Variants in LTBP1 observed in about 807,000 individuals in gnomAD.
The protein encoded by LTBP1 is latent-transforming growth factor beta-binding protein 1.
LTBP1 carries 129 observed loss-of-function variants against 207.6 expected under a neutral mutation model. The ratio of observed to expected loss-of-function variants is 0.62; its 90% CI spans 0.54 to 0.72. The LOEUF is 0.72. Among genes scored for constraint, LTBP1 ranks in the 30% least tolerant of loss-of-function variants. The probability of loss-of-function intolerance (pLI) is 0.00; values close to 1 mark genes in which losing one functional copy is unlikely to be tolerated. For missense variants in LTBP1, 2,281 were observed against 2,217.2 expected, an observed-to-expected ratio of 1.03 and a Z score of -0.58; for synonymous variants, 963 against 833.7, an observed-to-expected ratio of 1.16 and a Z score of -2.67.
Position 33,249,303 on chromosome 2 carries a change from A to T in LTBP1, c.2000-3374A>T, listed in dbSNP as rs534144794. 3.4e-5 allele frequency among the ~76,000 whole-genome samples: 5 copies of T among 147,842 alleles called. 1 individual carries two copies. In the South Asian group the frequency reaches 1.1e-3, roughly 32 times the overall value. On this transcript the variant is annotated intron_variant, in intron 10 of 33. Transcript: ENST00000404816. ...AGTTATTTATATCCTGCTCAAGGTC[A>T]TCTCAGTAGGTCTGATTTTTCACAC...
chr2:33,363,477 A>G lies in LTBP1; in HGVS notation c.4358A>G (p.Lys1453Arg). 1 of 1,613,986 alleles carries G rather than the reference A, an allele frequency of 6.2e-7. No homozygotes were observed. The highest frequency in any genetic ancestry group is 1.7e-4 in the Middle Eastern group (1 of 6,060). ...CGGCCTGGGTATGAATGCTACTGTAAGCAAGGGACGTACTATGATCCTGTG... is the reference window on the plus strand; with the variant it reads ...CGGCCTGGGTATGAATGCTACTGTAGGCAAGGGACGTACTATGATCCTGTG... ...NTRPGYECYC[K>R]QGTYYDPVKL... Residue 1453 changes from lysine to arginine, a missense_variant, in exon 29 of 34, where the codon AAG (lysine) becomes AGG (arginine). Transcript: ENST00000404816.
chr2:32,953,335 C>T (rs761903591), intron 2 of LTBP1, among the ~76,000 whole-genome samples: 4 of 152,110 alleles, frequency 2.6e-5, no homozygotes, highest in Non-Finnish European at 5.9e-5. Context: ...ACTTGGGAGT[C>T]GAGCCCAGAG....
intron 7 of LTBP1, among the ~76,000 whole-genome samples, chr2:33,201,513 G>C (rs1275024311): frequency 6.6e-6 from 1 of 151,856 alleles, no homozygotes; most frequent in Admixed American, 6.6e-5. Flanking sequence ...AGCATTAGGA[G>C]ATATACCTAA....
At chr2:33,147,667 G>A (rs1179590428) in intron 5 of LTBP1, among the ~76,000 whole-genome samples, 1 of 152,162 alleles carries the variant, frequency 6.6e-6, no homozygotes, top group Non-Finnish European at 1.5e-5. Flanking sequence ...CTCATTCTGC[G>A]AGGCAGCGTC....
intron 4 of LTBP1, among the ~76,000 whole-genome samples, chr2:33,120,695 C>T (rs1232473827): frequency 2.6e-5 from 4 of 152,136 alleles, no homozygotes; most frequent in African/African-American, 9.7e-5. Context: ...TTATATTCCT[C>T]TGGGTATATA....
chr2:33,042,820 T>C (rs1187525649), intron 3 of LTBP1, among the ~76,000 whole-genome samples: 1 of 152,218 alleles, frequency 6.6e-6, no homozygotes, highest in African/African-American at 2.4e-5. Flanking sequence ...AATAAATTGG[T>C]ATTTTTTAAA....
At chr2:33,180,839 A>C (rs1573014570) in intron 5 of LTBP1, among the ~76,000 whole-genome samples, 1 of 152,262 alleles carries the variant, frequency 6.6e-6, no homozygotes, top group East Asian at 1.9e-4. Flanking sequence ...CTAAAGCAGA[A>C]TGGGGGGAGA....
Position 33,274,995 on chromosome 2 carries a change from T to C in LTBP1, c.2774T>C (p.Leu925Pro), listed in dbSNP as rs922338064. ...DIDECTQVQH[L>P]CSQGRCENTE... ...GATGAGTGTACTCAGGTCCAACACC[T>C]CTGCTCCCAGGGCCGCTGTGAAAAC... The change falls in exon 17 of 34, where the codon CTC (leucine) becomes CCC (proline). Residue 925 changes from leucine (L) to proline (P), a missense_variant. Physicochemically the swap from Leu to Pro is moderately conservative, Grantham distance 98. This residue lies in a region of LTBP1 where 1,671 missense variants were observed against 1,634.8 expected (regional missense o/e 1.02). Coordinates refer to ENST00000404816, the MANE Select transcript of LTBP1 (RefSeq NM_206943.4). The C allele has an allele frequency of 3.1e-6, 5 of 1,614,090 alleles. No individual in the cohort carries two copies. The Admixed American group carries it at 8.3e-5, about 27-fold the overall frequency.
chr2:33,398,458 G>A lies in LTBP1; in HGVS notation c.5079G>A (p.Leu1693=), dbSNP rs777604708. 25 of 1,614,212 alleles carry A rather than the reference G, an allele frequency of 1.5e-5. No individual in the cohort carries two copies. In the East Asian group the frequency reaches 2.7e-4, roughly 17 times the overall value. Residue 1693 remains leucine, a synonymous_variant, in exon 34 of 34, where the codon CTG becomes CTA. Transcript: ENST00000404816. ...ATGGTTCCTACAAGTGTTTGTGTCT[G>A]CCAGGCTACGTGCCTTCTGACAAGC... ...NTDGSYKCLC[L]PGYVPSDKPN...
intron 5 of LTBP1, among the ~76,000 whole-genome samples, chr2:33,138,623 G>T (rs1387115260): frequency 2.0e-5 from 3 of 152,036 alleles, no homozygotes; most frequent in Admixed American, 6.5e-5. Context: ...TGTTTATAAA[G>T]CCTTAAGTTC....
intron 7 of LTBP1, among the ~76,000 whole-genome samples, chr2:33,198,635 A>G (rs1181851489): frequency 6.6e-6 from 1 of 152,118 alleles, no homozygotes; most frequent in African/African-American, 2.4e-5. Flanking sequence ...GGGAGAGTGT[A>G]TATGTCGAGG....
intron 31 of LTBP1, 66 bp from the exon 32 acceptor site, chr2:33,389,118 T>A: frequency 6.2e-7 from 1 of 1,606,210 alleles, no homozygotes; most frequent in Non-Finnish European, 8.5e-7. Flanking sequence ...TGCTCTGAGC[T>A]GCGAGGGGGT....
At chr2:33,375,871 A>G (rs941409441) in intron 31 of LTBP1, among the ~76,000 whole-genome samples, 3 of 151,902 alleles carry the variant, frequency 2.0e-5, no homozygotes, top group Non-Finnish European at 1.5e-5. Context: ...CATTCAATGT[A>G]CTCAATTTTT....
At chr2:33,230,033 A>G (rs1476777787) in intron 9 of LTBP1, among the ~76,000 whole-genome samples, 1 of 152,246 alleles carries the variant, frequency 6.6e-6, no homozygotes, top group Non-Finnish European at 1.5e-5. Context: ...GATGGTCAGT[A>G]AAATGAAATC....
chr2:33,130,295 C>T (rs1179188294), intron 4 of LTBP1, among the ~76,000 whole-genome samples: 3 of 152,170 alleles, frequency 2.0e-5, no homozygotes, highest in Non-Finnish European at 2.9e-5. Context: ...GAGGTTGCTT[C>T]TTCCCAGAGG....
intron 7 of LTBP1, among the ~76,000 whole-genome samples, chr2:33,215,710 T>C (rs1340646336): frequency 1.5e-5 from 2 of 130,514 alleles, no homozygotes; most frequent in Non-Finnish European, 3.3e-5. Context: ...CCATTGGTTT[T>C]CTTTTGTTTT....
intron 5 of LTBP1, among the ~76,000 whole-genome samples, chr2:33,164,203 G>A (rs1352306237): frequency 1.3e-5 from 2 of 151,600 alleles, no homozygotes; most frequent in Admixed American, 1.3e-4. Flanking sequence ...ACAAAAATTA[G>A]CTGGGTGTGG....
At chr2:33,125,041 G>A (rs1572744862) in intron 4 of LTBP1, among the ~76,000 whole-genome samples, 1 of 152,160 alleles carries the variant, frequency 6.6e-6, no homozygotes, top group African/African-American at 2.4e-5. Flanking sequence ...AAGATATCTC[G>A]CATACTGCAG....
intron 3 of LTBP1, among the ~76,000 whole-genome samples, chr2:33,027,224 T>C (rs1257839884): frequency 6.6e-6 from 1 of 152,228 alleles, no homozygotes; most frequent in African/African-American, 2.4e-5. Flanking sequence ...GACTAAGGTA[T>C]AATTGACAAA....
Sources: allele counts gnomAD v4.1 joint callset (sites outside exome capture counted in the v4.1 genomes callset), GRCh38; gene constraint gnomAD v4.1.1; regional missense constraint gnomAD v4.1.1; transcripts MANE v1.5; gene names NCBI Gene and HGNC (gene_info 2026-07-23, HGNC 2026-07-21).